KAT6B: variants seen among roughly 807,000 people sequenced by gnomAD.
The protein encoded by KAT6B is histone acetyltransferase KAT6B.
A neutral mutation model predicts 187.5 loss-of-function variants in KAT6B; 10 were observed. The ratio of observed to expected loss-of-function variants is 0.05; its 90% CI spans 0.03 to 0.09. The LOEUF (loss-of-function observed/expected upper bound fraction) is 0.09. KAT6B is among the 10% of genes least tolerant of loss of function. The pLI is 1.00. For missense variants in KAT6B, 1,952 were observed against 2,558.9 expected, an observed-to-expected ratio of 0.76 and a Z score of 5.12; for synonymous variants, 861 against 926.8, an observed-to-expected ratio of 0.93 and a Z score of 1.29.
chr10:74,883,056 A>T (rs555936551), intron 3 of KAT6B, among the ~76,000 whole-genome samples: 1 of 152,180 alleles, frequency 6.6e-6, no homozygotes, highest in East Asian at 1.9e-4. Flanking sequence ...ACTGTTTTCT[A>T]TTGAGTTCCC....
At chr10:75,007,901 A>G (rs1408970962) in intron 13 of KAT6B, among the ~76,000 whole-genome samples, 4 of 152,202 alleles carry the variant, frequency 2.6e-5, no homozygotes, top group African/African-American at 9.6e-5. Flanking sequence ...CTGCTTGAAA[A>G]TGAAAACTTG....
At chr10:75,016,826 T>C (rs1366160380) in intron 13 of KAT6B, among the ~76,000 whole-genome samples, 2 of 151,574 alleles carry the variant, frequency 1.3e-5, no homozygotes, top group Admixed American at 1.3e-4. Context: ...TTTCAGATGC[T>C]TCAGGATAAT....
chr10:74,990,960 T>G (rs1269544826), intron 13 of KAT6B, among the ~76,000 whole-genome samples: 1 of 152,198 alleles, frequency 6.6e-6, no homozygotes, highest in African/African-American at 2.4e-5. Flanking sequence ...TACCTCTATT[T>G]TTTTGTCTAT....
At chr10:74,907,675 G>A (rs1476673215) in intron 3 of KAT6B, among the ~76,000 whole-genome samples, 1 of 151,932 alleles carries the variant, frequency 6.6e-6, no homozygotes, top group Non-Finnish European at 1.5e-5. Flanking sequence ...GATTACAAGT[G>A]CCCACCACTA....
intron 3 of KAT6B, among the ~76,000 whole-genome samples, chr10:74,919,189 C>T (rs546168488): frequency 6.6e-6 from 1 of 152,256 alleles, no homozygotes; most frequent in African/African-American, 2.4e-5. Flanking sequence ...CACCACTTCA[C>T]TCCAGCCTGG....
At chr10:74,998,821 G>A (rs1843632878) in intron 13 of KAT6B, among the ~76,000 whole-genome samples, 1 of 152,164 alleles carries the variant, frequency 6.6e-6, no homozygotes, top group Non-Finnish European at 1.5e-5. Context: ...TACTCAGGAG[G>A]CTGAGTCCTC....
intron 3 of KAT6B, among the ~76,000 whole-genome samples, chr10:74,906,002 AATG>A (rs765550705): frequency 6.6e-5 from 10 of 152,150 alleles, no homozygotes; most frequent in Non-Finnish European, 1.5e-4. Flanking sequence ...GTTTAATAAA[AATG>A]ATGAGACTTT....
At chr10:74,973,265 G>T (rs576637119) in intron 7 of KAT6B, among the ~76,000 whole-genome samples, 1 of 152,260 alleles carries the variant, frequency 6.6e-6, no homozygotes, top group Admixed American at 6.5e-5. Flanking sequence ...TCACTATCTT[G>T]TTGCTGTATA....
intron 13 of KAT6B, among the ~76,000 whole-genome samples, chr10:75,005,818 ACAT>A (rs775580158): frequency 5.3e-5 from 8 of 152,288 alleles, no homozygotes; most frequent in Middle Eastern, 3.4e-3. Flanking sequence ...CTTTGAGTTA[ACAT>A]CATAGAGGAA....
intron 13 of KAT6B, among the ~76,000 whole-genome samples, chr10:75,016,974 C>T (rs1470958389): frequency 6.7e-6 from 1 of 149,650 alleles, no homozygotes; most frequent in Non-Finnish European, 1.5e-5. Context: ...AGTGATTCTC[C>T]TGCCTCAGCC....
intron 1 of KAT6B, among the ~76,000 whole-genome samples, chr10:74,828,693 G>A (rs1199790185): frequency 6.6e-6 from 1 of 151,418 alleles, no homozygotes; most frequent in African/African-American, 2.4e-5. Context: ...TCAGCCTCCG[G>A]AGTAGCTGGG....
chr10:74,905,197 G>A lies in KAT6B; in HGVS notation c.622-54773G>A, dbSNP rs373212967. ...AACACAGATGTCCTTGCCCATTAAAGTGAACACCAAGGAGTCCAAAATATT... is the reference window on the plus strand; with the variant it reads ...AACACAGATGTCCTTGCCCATTAAAATGAACACCAAGGAGTCCAAAATATT... On this transcript the variant is annotated intron_variant, in intron 3 of 17. Coordinates refer to ENST00000287239, the MANE Select transcript of KAT6B (RefSeq NM_012330.4). Among the ~76,000 whole-genome samples, 12 of 152,170 alleles carry A rather than the reference G, an allele frequency of 7.9e-5. No individual in the cohort carries two copies. In the South Asian group the frequency reaches 2.3e-3, roughly 29 times the overall value.
intron 1 of KAT6B, among the ~76,000 whole-genome samples, chr10:74,835,973 G>A (rs1037407172): frequency 3.3e-5 from 5 of 152,090 alleles, no homozygotes; most frequent in African/African-American, 1.2e-4. Flanking sequence ...TACCCATTAA[G>A]CAGTTTCTCT....
chr10:74,952,624 T>C (rs1840389519), intron 3 of KAT6B, among the ~76,000 whole-genome samples: 1 of 152,060 alleles, frequency 6.6e-6, no homozygotes, highest in South Asian at 2.1e-4. Context: ...CAGCAAAGCA[T>C]TACCTAAACT....
chr10:74,882,401 A>G (rs1361450885), intron 3 of KAT6B, among the ~76,000 whole-genome samples: 2 of 152,242 alleles, frequency 1.3e-5, no homozygotes, highest in African/African-American at 4.8e-5. Context: ...TGTGCCTATC[A>G]GTTCTCACCT....
At chr10:75,021,771 C>A (rs890333262) in intron 15 of KAT6B, 110 bp from the exon 16 acceptor site, 11 of 1,095,932 alleles carry the variant, frequency 1.0e-5, no homozygotes, top group Non-Finnish European at 1.5e-5. Flanking sequence ...GCTTGGCTGG[C>A]TGGCTGTCCT....
At chr10:74,866,388 CAGATAT>C (rs935061929) in intron 3 of KAT6B, among the ~76,000 whole-genome samples, 5 of 151,626 alleles carry the variant, frequency 3.3e-5, no homozygotes, top group African/African-American at 9.7e-5. Context: ...TGAATATAGA[CAGATAT>C]AGATAAAGAT....
At chr10:75,018,766 A>G (rs1374036794) in intron 13 of KAT6B, among the ~76,000 whole-genome samples, 1 of 152,202 alleles carries the variant, frequency 6.6e-6, no homozygotes, top group Non-Finnish European at 1.5e-5. Flanking sequence ...CTGGATTCAA[A>G]TAAGCACCAG....
intron 13 of KAT6B, among the ~76,000 whole-genome samples, chr10:74,995,867 T>A (rs1227180293): frequency 6.6e-6 from 1 of 152,250 alleles, no homozygotes; most frequent in Non-Finnish European, 1.5e-5. Context: ...TTGTTAGGAC[T>A]CTGTTTGGCT....
Sources: gnomAD v4.1 joint callset for allele counts (sites outside exome capture counted in the v4.1 genomes callset) on GRCh38, gnomAD v4.1.1 for gene constraint, MANE v1.5 for transcripts, NCBI Gene and HGNC (gene_info 2026-07-23, HGNC 2026-07-21) for gene names.